Variants in HCRTR2 observed in about 807,000 individuals in gnomAD.
HCRTR2 encodes orexin receptor type 2.
HCRTR2 carries 22 observed loss-of-function variants against 49.0 expected under a neutral mutation model. The ratio of observed to expected loss-of-function variants is 0.45; its 90% confidence interval spans 0.32 to 0.64. The LOEUF is 0.64. HCRTR2 is among the 30% of genes least tolerant of loss of function. The pLI is 0.04. For synonymous variants in HCRTR2, 236 were observed against 205.3 expected (o/e 1.15, Z -1.28); for missense variants, 491 against 559.4 (o/e 0.88, Z 1.23).
chr6:55,274,139 T>C (rs1056967260), intron 4 of HCRTR2, among the ~76,000 whole-genome samples: 4 of 150,828 alleles, frequency 2.7e-5, no homozygotes, highest in East Asian at 1.9e-4. Flanking sequence ...TTGGGGAGAA[T>C]TGCCATATTA....
chr6:55,148,505 C>T (rs143975211), intron 1 of HCRTR2, among the ~76,000 whole-genome samples: 326 of 152,212 alleles, frequency 2.1e-3, no homozygotes, highest in Middle Eastern at 3.4e-3. Context: ...TACCCACCTA[C>T]CATGTGCTTC....
chr6:55,271,625 A>G (rs1766974816), intron 4 of HCRTR2, among the ~76,000 whole-genome samples: 1 of 152,128 alleles, frequency 6.6e-6, no homozygotes, highest in African/African-American at 2.4e-5. Flanking sequence ...ATATTTGCAA[A>G]TCATATATGT....
At chr6:55,240,034 C>T (rs1413727342) in intron 1 of HCRTR2, among the ~76,000 whole-genome samples, 1 of 151,922 alleles carries the variant, frequency 6.6e-6, no homozygotes, top group African/African-American at 2.4e-5. Flanking sequence ...GCCTCGTTCT[C>T]CCAAAGTGCC....
chr6:55,193,933 G>A (rs1033756102), intron 1 of HCRTR2, among the ~76,000 whole-genome samples: 7 of 151,998 alleles, frequency 4.6e-5, no homozygotes, highest in Non-Finnish European at 1.0e-4. Flanking sequence ...AACAGAAAAG[G>A]GAGAAAAATC....
chr6:55,253,268 T>A (rs1027221728), intron 2 of HCRTR2, among the ~76,000 whole-genome samples: 1 of 151,566 alleles, frequency 6.6e-6, no homozygotes, highest in African/African-American at 2.4e-5. Context: ...GTAAAGTGAG[T>A]GACTCAATAG....
At chr6:55,111,942 A>G (rs1220401566) in intron 1 of HCRTR2, among the ~76,000 whole-genome samples, 2 of 152,068 alleles carry the variant, frequency 1.3e-5, no homozygotes, top group Non-Finnish European at 2.9e-5. Context: ...AAGATAATCC[A>G]TTATGATCAA....
At chr6:55,115,050 C>T (rs1461456879) in intron 1 of HCRTR2, among the ~76,000 whole-genome samples, 2 of 151,742 alleles carry the variant, frequency 1.3e-5, no homozygotes, top group African/African-American at 4.8e-5. Context: ...GAGAACAGAG[C>T]TGTGGGTGAG....
intron 1 of HCRTR2, among the ~76,000 whole-genome samples, chr6:55,218,012 G>A (rs370040501): frequency 4.3e-4 from 65 of 152,306 alleles, no homozygotes; most frequent in East Asian, 9.7e-4. Context: ...TCAAGGGTAC[G>A]TATCTGGTGA....
chr6:55,247,134 TTGTGTGTGTGTGAATA>T (rs1766460528), intron 1 of HCRTR2, among the ~76,000 whole-genome samples: 1 of 151,894 alleles, frequency 6.6e-6, no homozygotes, highest in East Asian at 1.9e-4. Flanking sequence ...TAGGGTGGGT[TTGTGTGTGTGTGAATA>T]TGTGTGTGTG....
intron 1 of HCRTR2, among the ~76,000 whole-genome samples, chr6:55,246,552 CT>C (rs1320962518): frequency 1.1e-4 from 17 of 151,972 alleles, no homozygotes; most frequent in African/African-American, 4.1e-4. Context: ...TTATATGATC[CT>C]ATCTTAAAGC....
chr6:55,204,846 C>T lies in HCRTR2; in HGVS notation c.223+30036C>T, dbSNP rs559680981. Among the ~76,000 whole-genome samples the T allele has an allele frequency of 1.9e-4, 28 of 150,150 alleles. 1 individual carries two copies. The East Asian group carries it at 4.9e-3, about 26-fold the overall frequency. On this transcript the variant is annotated intron_variant, in intron 1 of 6. Coordinates refer to ENST00000370862, the MANE Select transcript of HCRTR2 (RefSeq NM_001384272.1). ...TGTTTCACAGGCTGTAGTCTAGTTT[C>T]GCGATCTCGACTCACTGCAGCTTCG...
intron 1 of HCRTR2, among the ~76,000 whole-genome samples, chr6:55,123,817 C>G (rs1270072539): frequency 1.3e-5 from 2 of 152,106 alleles, no homozygotes; most frequent in Non-Finnish European, 2.9e-5. Flanking sequence ...TGTAATTGGT[C>G]TATTCAGGGA....
chr6:55,199,026 A>G lies in HCRTR2; in HGVS notation c.223+24216A>G, dbSNP rs117957186. Among the ~76,000 whole-genome samples the G allele has an allele frequency of 4.1e-4, 63 of 152,316 alleles. 2 individuals are homozygous for G. In the East Asian group the frequency reaches 0.011, roughly 27 times the overall value. On this transcript the variant is annotated intron_variant, in intron 1 of 6. Transcript: ENST00000370862. Reference sequence around the variant, plus strand: ...TCCAAGATTAGTTTATATCAAACCTAGTTAGTTTTGCTCATGTAAGGGATT... The same window carrying G: ...TCCAAGATTAGTTTATATCAAACCTGGTTAGTTTTGCTCATGTAAGGGATT...
chr6:55,211,749 T>C (rs960408815), intron 1 of HCRTR2, among the ~76,000 whole-genome samples: 1 of 152,174 alleles, frequency 6.6e-6, no homozygotes, highest in Admixed American at 6.6e-5. Context: ...TGGAGCTTCC[T>C]GACCAACTCC....
At chr6:55,160,927 G>A (rs1312522663) in intron 1 of HCRTR2, among the ~76,000 whole-genome samples, 1 of 152,100 alleles carries the variant, frequency 6.6e-6, no homozygotes, top group Non-Finnish European at 1.5e-5. Flanking sequence ...AGATCAATGA[G>A]ACAGAAAATT....
intron 1 of HCRTR2, among the ~76,000 whole-genome samples, chr6:55,210,160 A>G (rs1411963852): frequency 6.6e-6 from 1 of 152,144 alleles, no homozygotes; most frequent in Non-Finnish European, 1.5e-5. Context: ...GTCATATATA[A>G]AAAGGATTAT....
chr6:55,240,307 G>A (rs1014943760), intron 1 of HCRTR2, among the ~76,000 whole-genome samples: 2 of 133,502 alleles, frequency 1.5e-5, no homozygotes, highest in African/African-American at 5.6e-5. Flanking sequence ...GCAGTGAGCC[G>A]AGATAGTGCC....
chr6:55,138,546 T>TGA (rs1404241161), intron 1 of HCRTR2, among the ~76,000 whole-genome samples: 17 of 152,320 alleles, frequency 1.1e-4, no homozygotes, highest in African/African-American at 4.1e-4. Flanking sequence ...GCTAGCAGAT[T>TGA]GAGAAATAGA....
At chr6:55,224,223 A>T (rs2127297129) in intron 1 of HCRTR2, among the ~76,000 whole-genome samples, 1 of 152,350 alleles carries the variant, frequency 6.6e-6, no homozygotes, top group Admixed American at 6.5e-5. Context: ...TATCCAAAGA[A>T]AATCAGTTCA....
Sources: gnomAD v4.1 joint callset for allele counts (sites outside exome capture counted in the v4.1 genomes callset) on GRCh38, gnomAD v4.1.1 for gene constraint, MANE v1.5 for transcripts, NCBI Gene and HGNC (gene_info 2026-07-23, HGNC 2026-07-21) for gene names.